SLFN12: variants seen among roughly 807,000 people sequenced by gnomAD.
The protein encoded by SLFN12 is schlafen family member 12.
A neutral mutation model predicts 29.1 loss-of-function variants in SLFN12; 25 were observed. The observed-to-expected ratio is 0.86, with a 90% CI of 0.63 to 1.20. The LOEUF (loss-of-function observed/expected upper bound fraction) is 1.20, where lower values mean the gene tolerates loss of function less well. SLFN12 is among the 50% of genes most tolerant of loss of function. The pLI is 0.00. For missense variants in SLFN12, 660 were observed against 666.2 expected (o/e 0.99, Z 0.10); for synonymous variants, 257 against 238.7 (o/e 1.08, Z -0.71).
chr17:35,428,465 A>C (rs1189797574), intron 1 of SLFN12, among the ~76,000 whole-genome samples: 3 of 152,002 alleles, frequency 2.0e-5, no homozygotes. Flanking sequence ...TTCCCCTGTA[A>C]TTTTTGGGGG....
At chr17:35,417,094 CAAAGAA>C (rs550337729) in intron 3 of SLFN12, among the ~76,000 whole-genome samples, 3 of 151,934 alleles carry the variant, frequency 2.0e-5, no homozygotes, top group Non-Finnish European at 4.4e-5. Flanking sequence ...AAATACTAGA[CAAAGAA>C]AGAGAGAAAA....
In SLFN12 at chr17:35,422,494, C is replaced by G. The variant is rs762774482; in HGVS notation, c.535G>C (p.Ala179Pro). 5 of 1,613,140 alleles carry G rather than the reference C, an allele frequency of 3.1e-6. No homozygotes were observed. Among genetic ancestry groups the G allele is most frequent in the African/African-American group, 2.7e-5 (2 of 74,818 alleles). ...CTATCAAAAAAAACCCCGGCCAAGGCCTTCATGTTATTTTCTTCTTGTATA... is the reference window on the plus strand; with the variant it reads ...CTATCAAAAAAAACCCCGGCCAAGGGCTTCATGTTATTTTCTTCTTGTATA... ...VDIQEENNMKALAGVFFDRTE... is the reference protein window; with the variant it reads ...VDIQEENNMKPLAGVFFDRTE... The change falls in exon 2 of 4, where the codon GCC becomes CCC. Residue 179 changes from alanine to proline, a missense_variant. Ala to Pro is a conservative substitution (Grantham distance 27). Coordinates refer to ENST00000304905, the MANE Select transcript of SLFN12 (RefSeq NM_018042.5).
Position 35,411,507 on chromosome 17 carries a change from T to C in SLFN12, c.1568A>G (p.Tyr523Cys), listed in dbSNP as rs1911002622. 6.2e-7 allele frequency: 1 copy of C among 1,613,904 alleles called. No homozygotes were observed. Among genetic ancestry groups the C allele is most frequent in the Non-Finnish European group, 8.5e-7 (1 of 1,179,986 alleles). ...CAGCAAGTATTTCCTTCTTGTAAAA[T>C]AGTAGGATTCAGGGTAAATTACTTG... is the stretch of plus-strand genomic sequence containing the variant. ...RSQVIYPESY[Y>C]FTRRKYLLKA... Residue 523 changes from tyrosine to cysteine, a missense_variant, in exon 4 of 4, where the codon TAT becomes TGT. Transcript: ENST00000304905.
Position 35,422,676 on chromosome 17 carries a change from C to T in SLFN12, c.353G>A (p.Arg118Gln), listed in dbSNP as rs757369268. ...CAAATTGGAGCTCAAGGTGGTAATC[C>T]GCAGACCAGAGGTGTTCAAGCTCCA... The part of the protein sequence containing the change: ...KSWSLNTSGL[R>Q]ITTLSSNLYK... Residue 118 changes from arginine (R) to glutamine (Q), a missense_variant, in exon 2 of 4, where the codon CGG becomes CAG. Coordinates refer to ENST00000304905, the MANE Select transcript of SLFN12 (RefSeq NM_018042.5). The T allele has an allele frequency of 2.5e-6, 4 of 1,613,778 alleles. No individual in the cohort carries two copies. Among genetic ancestry groups the T allele is most frequent in the Non-Finnish European group, 2.5e-6 (3 of 1,179,924 alleles).
chr17:35,417,640 A>G (rs1377822348), intron 3 of SLFN12, among the ~76,000 whole-genome samples: 1 of 152,108 alleles, frequency 6.6e-6, no homozygotes, highest in Non-Finnish European at 1.5e-5. Context: ...GTTCATTAGG[A>G]CAAGAAAAAA....
intron 3 of SLFN12, among the ~76,000 whole-genome samples, chr17:35,416,227 T>C (rs1464758959): frequency 6.6e-6 from 1 of 152,136 alleles, no homozygotes; most frequent in East Asian, 1.9e-4. Context: ...GTGGGAACCA[T>C]TATTCTAACT....
rs185920782 is a variant in SLFN12, at chr17:35,422,946, C to T, written c.83G>A (p.Arg28Lys). 1 of 1,613,666 alleles carries T rather than the reference C, an allele frequency of 6.2e-7. No homozygotes were observed. Among genetic ancestry groups the T allele is most frequent in the Non-Finnish European group, 8.5e-7 (1 of 1,179,932 alleles). The change falls in exon 2 of 4, where the codon AGG becomes AAG. Residue 28 changes from arginine (R) to lysine (K), a missense_variant. By Grantham distance (26) the Arg-to-Lys change is conservative (BLOSUM62 2). Coordinates refer to ENST00000304905, the MANE Select transcript of SLFN12 (RefSeq NM_018042.5). The stretch of plus-strand genomic sequence containing the variant: ...CAGTTTACAATCCTTCATTTTTTTC[C>T]TACTGTTCTCTCCAAGAGTGACTCT... The part of the protein sequence containing the change: ...VGRVTLGENS[R>K]KKMKDCKLRK...
In SLFN12 at chr17:35,421,982, C is replaced by T. The variant is rs1184622837; in HGVS notation, c.1039+8G>A. 2 of 1,609,914 alleles carry T rather than the reference C, an allele frequency of 1.2e-6. No individual in the cohort carries two copies. The highest frequency in any genetic ancestry group is 2.2e-5 in the South Asian group (2 of 90,858). On this transcript the variant is annotated splice_region_variant and intron_variant, in intron 2 of 3. Transcript: ENST00000304905. ...ATGCATTCCTGTTGCGAATCCCCCG[C>T]TCTCAACTTGGTTCAGCCTCCACCA...
chr17:35,411,833 C>T lies in SLFN12; in HGVS notation c.1242G>A (p.Met414Ile). Residue 414 changes from methionine to isoleucine, a missense_variant, in exon 4 of 4, where the codon ATG (methionine) becomes ATA (isoleucine). By Grantham distance (10) the Met-to-Ile change is conservative. Coordinates refer to ENST00000304905, the MANE Select transcript of SLFN12 (RefSeq NM_018042.5). Reference sequence around the variant, plus strand: ...TCAGTGAGCCCTTTCTGACAGAGTCCATTTCTTCACATATTAATTGCTTAA... The same window carrying T: ...TCAGTGAGCCCTTTCTGACAGAGTCTATTTCTTCACATATTAATTGCTTAA... ...EGLKQLICEE[M>I]DSVRKGSLIF... The T allele has an allele frequency of 6.2e-7, 1 of 1,614,002 alleles. No individual in the cohort carries two copies. Among genetic ancestry groups the T allele is most frequent in the Non-Finnish European group, 8.5e-7 (1 of 1,179,998 alleles).
intron 1 of SLFN12, among the ~76,000 whole-genome samples, chr17:35,430,773 C>G (rs1228405131): frequency 1.3e-5 from 2 of 152,090 alleles, no homozygotes; most frequent in African/African-American, 4.8e-5. Context: ...AATCTACCAA[C>G]TTAAGTAAAC....
chr17:35,414,831 G>A (rs1911225251), intron 3 of SLFN12, among the ~76,000 whole-genome samples: 1 of 151,822 alleles, frequency 6.6e-6, no homozygotes, highest in Admixed American at 6.6e-5. Context: ...ATCTCTACAA[G>A]GAAAACCACA....
At chr17:35,414,373 C>CA (rs1480279320) in intron 3 of SLFN12, among the ~76,000 whole-genome samples, 1 of 151,560 alleles carries the variant, frequency 6.6e-6, no homozygotes, top group Admixed American at 6.6e-5. Flanking sequence ...ACAATAGCTA[C>CA]AAAAAATACT....
chr17:35,416,617 A>C (rs1342487182), intron 3 of SLFN12, among the ~76,000 whole-genome samples: 2 of 152,202 alleles, frequency 1.3e-5, no homozygotes, highest in African/African-American at 4.8e-5. Context: ...TCACAAGAAA[A>C]TAAAAATAGC....
intron 1 of SLFN12, among the ~76,000 whole-genome samples, chr17:35,425,137 T>G (rs1911920344): frequency 6.6e-6 from 1 of 151,576 alleles, no homozygotes; most frequent in Non-Finnish European, 1.5e-5. Context: ...AAAAGTAAAA[T>G]AAAATAAGAA....
chr17:35,420,185 G>C, intron 3 of SLFN12, 89 bp downstream of exon 3: 1 of 878,014 alleles, frequency 1.1e-6, no homozygotes, highest in Non-Finnish European at 1.8e-6. Context: ...TGTGCTTTCA[G>C]AGCAAATTTC....
chr17:35,422,392 T>A lies in SLFN12; in HGVS notation c.637A>T (p.Lys213Ter). 1.2e-6 allele frequency: 2 copies of A among 1,613,958 alleles called. No homozygotes were observed. Among genetic ancestry groups the A allele is most frequent in the Non-Finnish European group, 1.7e-6 (2 of 1,179,978 alleles). The change falls in exon 2 of 4, where the codon AAG (lysine) becomes TAG (stop). Residue 213 changes from lysine (K) to a stop codon, truncating the protein, a stop_gained. Transcript: ENST00000304905. LOFTEE classifies it high-confidence loss of function. ...HVEIKNFSTE[K>*]LLQRIKEILP... The stretch of plus-strand genomic sequence containing the variant: ...ATCTCTTTAATTCGTTGTAACAACT[T>A]TTCTGTCGAGAAGTTTTTAATTTCA...
chr17:35,418,924 G>C (rs1227026985), intron 3 of SLFN12, among the ~76,000 whole-genome samples: 11 of 152,110 alleles, frequency 7.2e-5, no homozygotes, highest in Non-Finnish European at 5.9e-5. Context: ...CTGGAGTACA[G>C]TGGTGTGATC....
At chr17:35,419,051 G>C (rs1260477845) in intron 3 of SLFN12, among the ~76,000 whole-genome samples, 2 of 152,034 alleles carry the variant, frequency 1.3e-5, no homozygotes, top group East Asian at 3.8e-4. Context: ...TATTTTAGTA[G>C]AGACACGGCT....
At position 35,411,379 on chromosome 17, in the gene SLFN12, TC is replaced by T; in HGVS notation, c.1695del (p.Asn566MetfsTer29). 1 of 1,573,398 alleles carries T rather than the reference TC, an allele frequency of 6.4e-7. No homozygotes were observed. The highest frequency in any genetic ancestry group is 8.6e-7 in the Non-Finnish European group (1 of 1,161,916). The part of the protein sequence containing the change: ...YQIIGIDCFQ[K>X]NDKKMFKSCR... Reference sequence around the variant, plus strand: ...CAAGATTTAAACATCTTTTTATCATTCTTCTGAAAGCAATCTATACCGATTA... The same window carrying T: ...CAAGATTTAAACATCTTTTTATCATTTTCTGAAAGCAATCTATACCGATTA... On this transcript the variant is annotated frameshift_variant, in exon 4 of 4. Coordinates refer to ENST00000304905, the MANE Select transcript of SLFN12 (RefSeq NM_018042.5). LOFTEE classifies it low-confidence loss of function (END_TRUNC).
Sources: gnomAD v4.1 joint callset for allele counts (sites outside exome capture counted in the v4.1 genomes callset) on GRCh38, gnomAD v4.1.1 for gene constraint, MANE v1.5 for transcripts, NCBI Gene and HGNC (gene_info 2026-07-23, HGNC 2026-07-21) for gene names.